The following LAMA2 variants were observed in gnomAD, a reference collection of about 807,000 sequenced individuals.
LAMA2 encodes laminin subunit alpha-2.
LAMA2 carries 269 observed loss-of-function variants against 364.8 expected under a neutral mutation model. The observed-to-expected ratio is 0.74, with a 90% CI of 0.67 to 0.82. The LOEUF (loss-of-function observed/expected upper bound fraction) is 0.82. Among genes scored for constraint, LAMA2 ranks in the 40% least tolerant of loss-of-function variants. The pLI is 0.00. For missense variants in LAMA2, 3,807 were observed against 3,873.2 expected (o/e 0.98, Z 0.45); for synonymous variants, 1,379 against 1,370.6 (o/e 1.01, Z -0.14).
chr6:129,318,344 G>C (rs1447503526), intron 27 of LAMA2, among the ~76,000 whole-genome samples: 1 of 151,906 alleles, frequency 6.6e-6, no homozygotes, highest in Non-Finnish European at 1.5e-5. Context: ...CATTTCAGTA[G>C]TTATTTAAAT....
At chr6:129,460,008 G>T (rs1783167984) in intron 48 of LAMA2, among the ~76,000 whole-genome samples, 192 bp from the exon 49 acceptor site, 1 of 151,992 alleles carries the variant, frequency 6.6e-6, no homozygotes, top group Admixed American at 6.6e-5. Flanking sequence ...TTCCCCTGTT[G>T]TTGACTCATC....
At chr6:129,068,846 T>A (rs561626257) in intron 3 of LAMA2, among the ~76,000 whole-genome samples, 29 of 152,298 alleles carry the variant, frequency 1.9e-4, no homozygotes, top group African/African-American at 7.0e-4. Context: ...TCATTTTTTG[T>A]TTTTTGCTTG....
At position 129,505,217 on chromosome 6, in the gene LAMA2, T is replaced by C. The variant is rs201276440; in HGVS notation, c.8565T>C (p.Ser2855=). The change falls in exon 61 of 65, where the codon AGT becomes AGC. Residue 2855 remains serine, a synonymous_variant. Transcript: ENST00000421865. ...TTTTGTAGATTAAGATAATGAGAAGTAAGCAAGAAGGAATTCTTTATGTAG... is the reference window on the plus strand; with the variant it reads ...TTTTGTAGATTAAGATAATGAGAAGCAAGCAAGAAGGAATTCTTTATGTAG... ...GQWHKIKIMR[S]KQEGILYVDG... is the part of the protein sequence containing the mutation. 8.1e-6 allele frequency: 13 copies of C among 1,613,922 alleles called. No homozygotes were observed. Among genetic ancestry groups the C allele is most frequent in the Admixed American group, 6.7e-5 (4 of 60,022 alleles).
intron 1 of LAMA2, among the ~76,000 whole-genome samples, chr6:128,984,319 C>T (rs1459413203): frequency 6.6e-6 from 1 of 152,116 alleles, no homozygotes; most frequent in East Asian, 1.9e-4. Context: ...TCTTGCTGTG[C>T]TATAGTCAAT....
At chr6:129,085,657 G>A (rs1012706235) in intron 3 of LAMA2, among the ~76,000 whole-genome samples, 3 of 152,174 alleles carry the variant, frequency 2.0e-5, no homozygotes, top group Non-Finnish European at 4.4e-5. Context: ...GCATGAAAAG[G>A]ACGGAGGAGT....
intron 1 of LAMA2, among the ~76,000 whole-genome samples, chr6:128,890,227 C>G (rs1015829337): frequency 6.6e-6 from 1 of 152,146 alleles, no homozygotes. Context: ...ACTTACGTAG[C>G]AGAGCTGTTT....
chr6:129,139,308 A>G (rs1163044367), intron 4 of LAMA2, among the ~76,000 whole-genome samples: 1 of 152,064 alleles, frequency 6.6e-6, no homozygotes, highest in East Asian at 1.9e-4. Flanking sequence ...GAATCTGTGG[A>G]TTCCACATCC....
At chr6:129,174,719 G>C (rs1178704041) in intron 9 of LAMA2, among the ~76,000 whole-genome samples, 1 of 152,112 alleles carries the variant, frequency 6.6e-6, no homozygotes, top group African/African-American at 2.4e-5. Flanking sequence ...TTTAAAGAAT[G>C]ACGTAAGCTT....
At chr6:129,259,656 T>A (rs1477983795) in intron 14 of LAMA2, among the ~76,000 whole-genome samples, 1 of 152,114 alleles carries the variant, frequency 6.6e-6, no homozygotes, top group East Asian at 1.9e-4. Context: ...GTTAATAAAA[T>A]GTCTAGTATT....
At chr6:129,223,555 A>C (rs1201662268) in intron 12 of LAMA2, among the ~76,000 whole-genome samples, 2 of 152,168 alleles carry the variant, frequency 1.3e-5, no homozygotes, top group Non-Finnish European at 2.9e-5. Context: ...TCAGCTTTCT[A>C]CATATGGCTA....
At chr6:129,362,830 A>G (rs959073213) in intron 32 of LAMA2, among the ~76,000 whole-genome samples, 1 of 152,126 alleles carries the variant, frequency 6.6e-6, no homozygotes, top group African/African-American at 2.4e-5. Flanking sequence ...AAAAAGTGAC[A>G]CTTGAGCACT....
Position 129,445,814 on chromosome 6 carries a change from C to T in LAMA2, c.6422C>T (p.Ala2141Val). The T allele has an allele frequency of 1.2e-6, 2 of 1,612,782 alleles. No individual in the cohort carries two copies. Among genetic ancestry groups the T allele is most frequent in the Non-Finnish European group, 1.7e-6 (2 of 1,178,968 alleles). The change falls in exon 45 of 65, where the codon GCC becomes GTC. Residue 2141 changes from alanine (A) to valine (V), a missense_variant. Physicochemically the swap from Ala to Val is moderately conservative, Grantham distance 64. This residue lies in a region of LAMA2 where 3,333 missense variants were observed against 3,345.7 expected (regional missense o/e 1.00). Coordinates refer to ENST00000421865, the MANE Select transcript of LAMA2 (RefSeq NM_000426.4). Reference protein sequence around the residue: ...KELINQARKQANSIKVSVSSG... With the variant: ...KELINQARKQVNSIKVSVSSG... ...TTGATAAACCAAGCTCGGAAACAAG[C>T]CAATTCTGTAAGTTCTTTTTATCGT...
intron 30 of LAMA2, among the ~76,000 whole-genome samples, chr6:129,348,404 C>G (rs4124421): frequency 6.6e-6 from 1 of 152,152 alleles, no homozygotes. Context: ...GTGTGTGCAG[C>G]ATTATCTTTC....
At chr6:129,109,716 GA>G (rs1776033668) in intron 4 of LAMA2, among the ~76,000 whole-genome samples, 1 of 151,974 alleles carries the variant, frequency 6.6e-6, no homozygotes, top group Non-Finnish European at 1.5e-5. Context: ...TAAAATTTAT[GA>G]AAACATTAAG....
intron 48 of LAMA2, 84 bp downstream of exon 48, chr6:129,456,578 C>T: frequency 8.1e-7 from 1 of 1,237,154 alleles, no homozygotes; most frequent in Non-Finnish European, 1.2e-6. Context: ...TATGATAAAG[C>T]TCTGTAAAAC....
At chr6:129,331,578 C>G (rs1481755918) in intron 29 of LAMA2, among the ~76,000 whole-genome samples, 1 of 152,004 alleles carries the variant, frequency 6.6e-6, no homozygotes, top group Non-Finnish European at 1.5e-5. Flanking sequence ...ACATCTTCCC[C>G]CTATGTTCTC....
intron 4 of LAMA2, among the ~76,000 whole-genome samples, chr6:129,135,952 G>T (rs74535612): frequency 6.6e-6 from 1 of 151,798 alleles, no homozygotes; most frequent in East Asian, 1.9e-4. Flanking sequence ...TTTCAACTTC[G>T]AGTACTTTTT....
chr6:129,330,485 A>G (rs1294912422), intron 29 of LAMA2, among the ~76,000 whole-genome samples: 1 of 150,904 alleles, frequency 6.6e-6, no homozygotes, highest in Non-Finnish European at 1.5e-5. Flanking sequence ...TCCTGTCATC[A>G]TTCTTAGTGA....
At chr6:128,928,981 G>T in intron 1 of LAMA2, 3 of 1,162,294 alleles carry the variant, frequency 2.6e-6, no homozygotes, top group Non-Finnish European at 3.9e-6. Context: ...ACTCATTCCA[G>T]CTCAGAAGGA....
Sources: allele counts gnomAD v4.1 joint callset (sites outside exome capture counted in the v4.1 genomes callset), GRCh38; gene constraint gnomAD v4.1.1; regional missense constraint gnomAD v4.1.1; transcripts MANE v1.5; gene names NCBI Gene and HGNC (gene_info 2026-07-23, HGNC 2026-07-21).